Variants in FBXO25 observed in about 807,000 individuals in gnomAD.
The protein encoded by FBXO25 is F-box only protein 25.
Under a neutral mutation model 51.9 loss-of-function variants are expected in FBXO25, and 45 were observed. The observed-to-expected ratio is 0.87, with a 90% CI of 0.68 to 1.11. The LOEUF (loss-of-function observed/expected upper bound fraction) is 1.11, where lower values mean the gene tolerates loss of function less well. Among genes scored for constraint, FBXO25 ranks in the 50% most tolerant of loss-of-function variants. The pLI, the probability that FBXO25 is intolerant of heterozygous loss-of-function variation, is 0.00. For missense variants in FBXO25, 507 were observed against 428.5 expected, an observed-to-expected ratio of 1.18 and a Z score of -1.62; for synonymous variants, 199 against 151.0, an observed-to-expected ratio of 1.32 and a Z score of -2.33.
At chr8:449,096 T>G (rs1415616235) in intron 5 of FBXO25, among the ~76,000 whole-genome samples, 2 of 152,130 alleles carry the variant, frequency 1.3e-5, no homozygotes, top group Admixed American at 1.3e-4. Flanking sequence ...GTAAAAGATT[T>G]CAGATTGAAT....
intron 3 of FBXO25, among the ~76,000 whole-genome samples, chr8:431,659 C>T (rs1033074584): frequency 2.0e-5 from 3 of 152,162 alleles, no homozygotes; most frequent in African/African-American, 7.2e-5. Context: ...ATAGCCAAAC[C>T]CACAAAACAG....
intron 5 of FBXO25, among the ~76,000 whole-genome samples, chr8:436,926 CTG>C (rs1798138820): frequency 6.6e-6 from 1 of 152,146 alleles, no homozygotes; most frequent in Non-Finnish European, 1.5e-5. Context: ...CTGGTGGTTT[CTG>C]TGCTGGGTGC....
chr8:456,947 A>C (rs1036238743), intron 7 of FBXO25, among the ~76,000 whole-genome samples: 1 of 152,220 alleles, frequency 6.6e-6, no homozygotes, highest in African/African-American at 2.4e-5. Flanking sequence ...CACTCTCCAC[A>C]GAGGTCAGGT....
intron 1 of FBXO25, among the ~76,000 whole-genome samples, chr8:408,028 C>G (rs1796268608): frequency 6.6e-6 from 1 of 152,184 alleles, no homozygotes; most frequent in African/African-American, 2.4e-5. Context: ...TTTACTCTTT[C>G]ATATTCTGTT....
intron 9 of FBXO25, among the ~76,000 whole-genome samples, chr8:465,204 T>C (rs761084174): frequency 1.3e-5 from 2 of 152,136 alleles, no homozygotes; most frequent in Non-Finnish European, 2.9e-5. Flanking sequence ...GCCCCCCTTC[T>C]GTGTAATTCC....
chr8:438,248 G>C (rs1185672674), intron 5 of FBXO25, among the ~76,000 whole-genome samples: 1 of 151,978 alleles, frequency 6.6e-6, no homozygotes, highest in East Asian at 1.9e-4. Flanking sequence ...TAGTAGAGAT[G>C]GGGTTTCGCC....
chr8:413,914 A>G (rs1180642246), intron 2 of FBXO25, among the ~76,000 whole-genome samples: 1 of 152,214 alleles, frequency 6.6e-6, no homozygotes, highest in Non-Finnish European at 1.5e-5. Flanking sequence ...GTAGGTGGCT[A>G]TTGTATGATG....
At chr8:436,744 C>G (rs545860702) in intron 5 of FBXO25, among the ~76,000 whole-genome samples, 2 of 152,338 alleles carry the variant, frequency 1.3e-5, no homozygotes, top group Non-Finnish European at 2.9e-5. Flanking sequence ...GGAAAAACAT[C>G]AGCAGAGAGG....
Position 413,131 on chromosome 8 carries a change from A to T in FBXO25, c.52A>T (p.Thr18Ser), listed in dbSNP as rs1174648698. 1 of 1,610,742 alleles carries T rather than the reference A, an allele frequency of 6.2e-7. No individual in the cohort carries two copies. Among genetic ancestry groups the T allele is most frequent in the Non-Finnish European group, 8.5e-7 (1 of 1,178,548 alleles). Residue 18 changes from threonine (T) to serine (S), a missense_variant, in exon 2 of 10, where the codon ACA (threonine) becomes TCA (serine). Coordinates refer to ENST00000350302, the MANE Select transcript of FBXO25 (RefSeq NM_183420.2). ...ATCTCCTGGATGGAGTTGGATTAAG[A>T]CAGAAGATGGCTGGAAGAGATGTGA... ...WRSPGWSWIK[T>S]EDGWKRCESC...
intron 2 of FBXO25, among the ~76,000 whole-genome samples, chr8:429,575 G>A (rs1009352200): frequency 2.5e-4 from 38 of 152,130 alleles, no homozygotes; most frequent in Non-Finnish European, 8.8e-5. Context: ...TTAATGTGTC[G>A]AATTTAAATT....
chr8:452,069 G>A (rs997255373), intron 7 of FBXO25, among the ~76,000 whole-genome samples: 1 of 152,128 alleles, frequency 6.6e-6, no homozygotes, highest in Non-Finnish European at 1.5e-5. Flanking sequence ...TGTGCCTTAC[G>A]TAGCCTTGGT....
chr8:427,033 C>T (rs1797532193), intron 2 of FBXO25, among the ~76,000 whole-genome samples: 1 of 152,010 alleles, frequency 6.6e-6, no homozygotes, highest in Non-Finnish European at 1.5e-5. Context: ...TACGAAGTAG[C>T]TTTATATCAG....
At chr8:458,346 T>C (rs180811520) in intron 7 of FBXO25, 23 bp from the exon 8 acceptor site, 13 of 1,607,758 alleles carry the variant, frequency 8.1e-6, no homozygotes, top group Middle Eastern at 1.8e-4. Flanking sequence ...TCTCAGTGAG[T>C]TGCTGTTGTG....
intron 7 of FBXO25, 91 bp downstream of exon 7, chr8:451,544 T>C: frequency 2.5e-6 from 3 of 1,211,158 alleles, no homozygotes; most frequent in Non-Finnish European, 3.5e-6. Flanking sequence ...CTGCTATAGC[T>C]TTTTGAAAGA....
In FBXO25 at chr8:470,151, G is replaced by A. The variant is rs1014140769; in HGVS notation, c.*1347G>A. On this transcript the variant is annotated 3_prime_UTR_variant, in exon 10 of 10. Transcript: ENST00000350302. ...AAACTTGGCTTTTATTAGCTCCACAGAATCACCCAGATGGAACAGGCTTTT... is the reference window on the plus strand; with the variant it reads ...AAACTTGGCTTTTATTAGCTCCACAAAATCACCCAGATGGAACAGGCTTTT... The A allele has an allele frequency of 2.0e-5, 3 of 152,026 alleles. No individual in the cohort carries two copies. The highest frequency in any genetic ancestry group is 4.4e-5 in the Non-Finnish European group (3 of 68,016). The allele number at this position is 152,026 out of a possible 1,614,324, so 9.4% of individuals were successfully genotyped here.
In FBXO25 at chr8:461,642, CAAAACAAAACAAAACA is replaced by C. The variant is rs1585100229; in HGVS notation, c.844-1364_844-1349del. Among the ~76,000 whole-genome samples the C allele has an allele frequency of 1.1e-4, 17 of 152,140 alleles. No individual in the cohort carries two copies. In the East Asian group the frequency reaches 3.3e-3, roughly 29 times the overall value. ...AACATCAGCATCACCTCAGGAAAAACAAAACAAAACAAAACATGCCCTTCAGCTGCCATTCCTAGCC... is the reference window on the plus strand; with the variant it reads ...AACATCAGCATCACCTCAGGAAAAACTGCCCTTCAGCTGCCATTCCTAGCC... On this transcript the variant is annotated intron_variant, in intron 8 of 9. Transcript: ENST00000350302.
At position 451,250 on chromosome 8, in the gene FBXO25, T is replaced by G. The variant is rs375152662; in HGVS notation, c.476-19T>G. On this transcript the variant is annotated intron_variant, in intron 6 of 9. Transcript: ENST00000350302. Reference sequence around the variant, plus strand: ...TGCTTAACTGTATCAATCCATAGTTTTATTTTTATTTATTCCAGTTCTTGA... The same window carrying G: ...TGCTTAACTGTATCAATCCATAGTTGTATTTTTATTTATTCCAGTTCTTGA... 1.3e-6 allele frequency: 2 copies of G among 1,578,492 alleles called. No homozygotes were observed. Among genetic ancestry groups the G allele is most frequent in the Admixed American group, 2.0e-5 (1 of 49,956 alleles).
At chr8:456,195 G>T (rs10092971) in intron 7 of FBXO25, among the ~76,000 whole-genome samples, 2 of 152,124 alleles carry the variant, frequency 1.3e-5, no homozygotes, top group South Asian at 4.2e-4. Flanking sequence ...TTACTTGCAC[G>T]TTATCTTTTT....
intron 2 of FBXO25, among the ~76,000 whole-genome samples, chr8:425,449 T>A (rs1016423468): frequency 6.6e-6 from 1 of 151,806 alleles, no homozygotes; most frequent in African/African-American, 2.4e-5. Context: ...TTTGGTTGAT[T>A]ATTTTATCTT....
Sources: allele counts gnomAD v4.1 joint callset (sites outside exome capture counted in the v4.1 genomes callset), GRCh38; gene constraint gnomAD v4.1.1; transcripts MANE v1.5; gene names NCBI Gene and HGNC (gene_info 2026-07-23, HGNC 2026-07-21).